WDR70: variants seen among roughly 807,000 people sequenced by gnomAD.
The protein encoded by WDR70 is WD repeat domain 70.
A neutral mutation model predicts 88.6 loss-of-function variants in WDR70; 53 were observed. The ratio of observed to expected loss-of-function variants is 0.60; its 90% confidence interval spans 0.48 to 0.75. WDR70 has a LOEUF of 0.75. Among genes scored for constraint, WDR70 ranks in the 30% least tolerant of loss-of-function variants. WDR70 has a pLI of 0.00. For synonymous variants in WDR70, 280 were observed against 270.0 expected (o/e 1.04, Z -0.36); for missense variants, 610 against 823.2 (o/e 0.74, Z 3.17).
chr5:37,702,327 G>A (rs1581511299), intron 12 of WDR70, among the ~76,000 whole-genome samples: 1 of 152,264 alleles, frequency 6.6e-6, no homozygotes, highest in East Asian at 1.9e-4. Context: ...TGCAAGTAAT[G>A]CTAACTATAT....
intron 7 of WDR70, among the ~76,000 whole-genome samples, chr5:37,478,852 T>C (rs4074950): frequency 0.86 from 130,374 of 152,158 alleles, 59,367 homozygotes; most frequent in East Asian, 1. Context: ...CACTTCACTT[T>C]TGAAGGGGGA....
intron 9 of WDR70, among the ~76,000 whole-genome samples, chr5:37,526,763 C>G (rs1011787646): frequency 6.6e-6 from 1 of 152,146 alleles, no homozygotes; most frequent in Non-Finnish European, 1.5e-5. Context: ...TCTCCTTAAG[C>G]TGATAAGCAA....
At chr5:37,667,433 A>G (rs531201162) in intron 10 of WDR70, among the ~76,000 whole-genome samples, 1 of 152,348 alleles carries the variant, frequency 6.6e-6, no homozygotes, top group East Asian at 1.9e-4. Flanking sequence ...CATCATTATT[A>G]TTATTTCCAC....
At chr5:37,561,033 A>G (rs1227908011) in intron 9 of WDR70, among the ~76,000 whole-genome samples, 2 of 152,018 alleles carry the variant, frequency 1.3e-5, no homozygotes, top group African/African-American at 2.4e-5. Context: ...TGGTACACCT[A>G]TGACTGGCAG....
At chr5:37,525,039 A>G (rs1423024836) in intron 9 of WDR70, among the ~76,000 whole-genome samples, 2 of 152,200 alleles carry the variant, frequency 1.3e-5, no homozygotes, top group African/African-American at 4.8e-5. Flanking sequence ...GGGAGACTTT[A>G]ACACCCCACT....
At chr5:37,747,493 A>G (rs970528892) in intron 17 of WDR70, among the ~76,000 whole-genome samples, 1 of 152,220 alleles carries the variant, frequency 6.6e-6, no homozygotes, top group African/African-American at 2.4e-5. Context: ...TATTGATGGA[A>G]CATATCTCAA....
chr5:37,721,992 C>G (rs1274931973), intron 14 of WDR70: 1 of 152,218 alleles, frequency 6.6e-6, no homozygotes, highest in Non-Finnish European at 1.5e-5. Flanking sequence ...GAAAGCCAGC[C>G]TCTATTAATG....
At chr5:37,693,796 G>A (rs376152837) in intron 10 of WDR70, among the ~76,000 whole-genome samples, 8 of 152,146 alleles carry the variant, frequency 5.3e-5, no homozygotes, top group East Asian at 3.8e-4. Context: ...ATAGGCATGG[G>A]CAAGGACTTC....
At chr5:37,676,604 A>G (rs1746223283) in intron 10 of WDR70, among the ~76,000 whole-genome samples, 1 of 152,010 alleles carries the variant, frequency 6.6e-6, no homozygotes, top group South Asian at 2.1e-4. Context: ...ATCGTGGATA[A>G]GCTTTTTGAT....
chr5:37,413,102 G>A (rs554639671), intron 5 of WDR70, among the ~76,000 whole-genome samples: 95 of 152,238 alleles, frequency 6.2e-4, no homozygotes, highest in Middle Eastern at 3.4e-3. Flanking sequence ...AATTACGCCT[G>A]CAAGGTTATG....
rs749374829 is a variant in WDR70 at position 37,721,068 on chromosome 5, A to G, written c.1417-47A>G. The G allele has an allele frequency of 3.8e-6, 6 of 1,562,408 alleles. No individual in the cohort carries two copies. In the African/African-American group the frequency reaches 6.8e-5, roughly 18 times the overall value. ...TCAAAGTACCAGCAGGATTGTTTCC[A>G]TTTTTATCTGGCCTCTTTAGTCAAC... On this transcript the variant is annotated intron_variant, in intron 13 of 17. Coordinates refer to ENST00000265107, the MANE Select transcript of WDR70 (RefSeq NM_018034.4).
At chr5:37,665,943 T>G (rs1047765016) in intron 10 of WDR70, among the ~76,000 whole-genome samples, 1 of 152,122 alleles carries the variant, frequency 6.6e-6, no homozygotes, top group African/African-American at 2.4e-5. Flanking sequence ...CACCTCTCTA[T>G]CCGTCACTTG....
chr5:37,480,504 G>C (rs766420269), intron 8 of WDR70, among the ~76,000 whole-genome samples: 1 of 152,314 alleles, frequency 6.6e-6, no homozygotes, highest in African/African-American at 2.4e-5. Context: ...GTGCAAAGTC[G>C]TGTCTTACAT....
At chr5:37,653,424 G>A (rs1008082948) in intron 10 of WDR70, among the ~76,000 whole-genome samples, 1 of 152,168 alleles carries the variant, frequency 6.6e-6, no homozygotes, top group East Asian at 1.9e-4. Flanking sequence ...TCTCTGCCAG[G>A]TTTTGGTATC....
rs142352395 is a variant in WDR70, at chr5:37,523,918, G to A, written c.917+7328G>A. The stretch of plus-strand genomic sequence containing the variant: ...AAATGAATGAAATGAAGCGAGAAGA[G>A]ACGTTTAGAGAAAAAAGAGTAAAAA... On this transcript the variant is annotated intron_variant, in intron 9 of 17. Transcript: ENST00000265107. 7.6e-3 allele frequency among the ~76,000 whole-genome samples: 1,159 copies of A among 152,242 alleles called. 30 individuals are homozygous for A. The East Asian group carries it at 0.089, about 12-fold the overall frequency.
chr5:37,457,629 G>A (rs187782983), intron 7 of WDR70, among the ~76,000 whole-genome samples: 27 of 152,232 alleles, frequency 1.8e-4, no homozygotes, highest in Non-Finnish European at 3.4e-4. Context: ...ATTTATTATA[G>A]CATTATATGT....
intron 7 of WDR70, among the ~76,000 whole-genome samples, chr5:37,449,617 ATAAATAAAT>A (rs1738608879): frequency 8.6e-5 from 11 of 128,462 alleles, no homozygotes; most frequent in Non-Finnish European, 1.6e-4. Flanking sequence ...AAAATAAAAA[ATAAATAAAT>A]AAATAAATAA....
chr5:37,623,458 A>G (rs917710729), intron 10 of WDR70, among the ~76,000 whole-genome samples: 2 of 152,206 alleles, frequency 1.3e-5, no homozygotes, highest in African/African-American at 4.8e-5. Context: ...AATAATATAA[A>G]TCTTTGTTGT....
At position 37,457,994 on chromosome 5, in the gene WDR70, C is replaced by T. The variant is rs1255327187; in HGVS notation, c.686+14622C>T. ...AGATAGCTCTTATTATTTTGAAATACGTCCCATCAATACCTAATTTATTGA... is the reference window on the plus strand; with the variant it reads ...AGATAGCTCTTATTATTTTGAAATATGTCCCATCAATACCTAATTTATTGA... On this transcript the variant is annotated intron_variant, in intron 7 of 17. Coordinates refer to ENST00000265107, the MANE Select transcript of WDR70 (RefSeq NM_018034.4). Among the ~76,000 whole-genome samples the T allele has an allele frequency of 2.9e-3, 404 of 139,552 alleles. 1 individual carries two copies. Among genetic ancestry groups the T allele is most frequent in the African/African-American group, 0.01 (377 of 36,952 alleles). The allele number at this position is 139,552 out of a possible 152,430, so 91.6% of individuals were successfully genotyped here.
Sources: allele counts gnomAD v4.1 joint callset (sites outside exome capture counted in the v4.1 genomes callset), GRCh38; gene constraint gnomAD v4.1.1; transcripts MANE v1.5; gene names NCBI Gene and HGNC (gene_info 2026-07-23, HGNC 2026-07-21).